The following MDN1 variants were observed in gnomAD, a reference collection of about 807,000 sequenced individuals.
MDN1 encodes the protein midasin AAA ATPase 1.
In MDN1, 266 loss-of-function variants were observed where a neutral mutation model predicts 669.2. That is an observed-to-expected ratio of 0.40 (90% CI 0.36 to 0.44). The LOEUF is 0.44. MDN1 is among the 20% of genes least tolerant of loss of function. The pLI, the probability that MDN1 is intolerant of heterozygous loss-of-function variation, is 1.00. For missense variants in MDN1, 5,940 were observed against 6,754.0 expected (o/e 0.88, Z 4.22); for synonymous variants, 2,385 against 2,457.1 (o/e 0.97, Z 0.87).
In MDN1 at chr6:89,809,315, T is replaced by C. The variant is rs1384577026; in HGVS notation, c.103-5761A>G. ...ATATTTAAAACTTTTTATTTTATCT[T>C]CCCAGATTTATAGAGAAAAGACTAT... On this transcript the variant is annotated intron_variant, in intron 1 of 101. Transcript: ENST00000369393. Among the ~76,000 whole-genome samples, 4 of 151,822 alleles carry C rather than the reference T, an allele frequency of 2.6e-5. No individual in the cohort carries two copies. The South Asian group carries it at 6.2e-4, about 24-fold the overall frequency.
intron 35 of MDN1, 140 bp downstream of exon 35, chr6:89,730,586 T>C (rs1815523556): frequency 5.9e-6 from 4 of 674,742 alleles, no homozygotes; most frequent in Admixed American, 5.9e-5. Flanking sequence ...CACACAATTA[T>C]GGTTATTCTC....
intron 5 of MDN1, among the ~76,000 whole-genome samples, chr6:89,792,493 G>A (rs539499859): frequency 1.3e-5 from 2 of 151,992 alleles, no homozygotes; most frequent in Non-Finnish European, 2.9e-5. Context: ...TTGGGATACT[G>A]GTTACAGGAT....
At position 89,695,498 on chromosome 6, in the gene MDN1, T is replaced by C. The variant is rs1266704920; in HGVS notation, c.9771+107A>G. The C allele has an allele frequency of 1.5e-5, 21 of 1,389,452 alleles. No homozygotes were observed. The highest frequency in any genetic ancestry group is 2.1e-5 in the Non-Finnish European group (21 of 1,022,682). The allele number at this position is 1,389,452 out of a possible 1,614,324, so 86.1% of individuals were successfully genotyped here. A position where few individuals can be genotyped will look rare whatever the true frequency, so the allele number is the denominator to read the frequency against. On this transcript the variant is annotated intron_variant, in intron 61 of 101. Coordinates refer to ENST00000369393, the MANE Select transcript of MDN1 (RefSeq NM_014611.3). This position sits in a 1 kb window ranked among gnomAD's most constrained non-coding sequence, Gnocchi z 4.1. ...TCATAAGGCAACTTATGCAATATCA[T>C]GCTTGTGATGATCTGAGCACCCAAA...
intron 58 of MDN1, 108 bp from the exon 59 acceptor site, chr6:89,699,143 T>C: frequency 9.5e-7 from 1 of 1,053,752 alleles, no homozygotes; most frequent in East Asian, 2.6e-5. Context: ...AGTTTAAAGG[T>C]ATTAATCCAA....
chr6:89,761,895 A>G, intron 16 of MDN1, 147 bp from the exon 17 acceptor site: 2 of 609,752 alleles, frequency 3.3e-6, no homozygotes, highest in Non-Finnish European at 5.6e-6. Flanking sequence ...TGCTAACAAA[A>G]TGCCAGACAT....
rs1812705989 is a variant in MDN1, at chr6:89,695,902, G to A, written c.9474C>T (p.Tyr3158=). The A allele has an allele frequency of 1.9e-6, 3 of 1,613,026 alleles. No individual in the cohort carries two copies. The highest frequency in any genetic ancestry group is 1.7e-5 in the Admixed American group (1 of 60,010). Residue 3158 remains tyrosine (Y), a synonymous_variant, in exon 61 of 102, where the codon TAC becomes TAT. Transcript: ENST00000369393. The surrounding 1 kb of genome is among the most constrained non-coding windows in gnomAD (Gnocchi z 4.1). ...GCAGCAGCTGCTCACAGTTCTGCAT[G>A]TACTCCTGCCGCCGGGACTCTGGGA... ...ELLPESRRQE[Y]MQNCEQLLLG...
chr6:89,665,967 GAGCTGGAGGTTGC>G (rs1255279421), intron 84 of MDN1, among the ~76,000 whole-genome samples: 1 of 152,292 alleles, frequency 6.6e-6, no homozygotes, highest in African/African-American at 2.4e-5. Flanking sequence ...TTGAACCCGG[GAGCTGGAGGTTGC>G]AGTTGAGCCA....
intron 65 of MDN1, among the ~76,000 whole-genome samples, chr6:89,689,088 C>G (rs1035955524): frequency 6.6e-6 from 1 of 152,200 alleles, no homozygotes; most frequent in African/African-American, 2.4e-5. Context: ...ATTGCTTGAA[C>G]CTGGGAGGCA....
chr6:89,819,258 T>C (rs72919981), intron 1 of MDN1, among the ~76,000 whole-genome samples: 14,106 of 152,214 alleles, frequency 0.093, 849 homozygotes, highest in Non-Finnish European at 0.13. Context: ...AGCGCTTGCA[T>C]AGGGGTGAGA....
chr6:89,655,977 T>C lies in MDN1; in HGVS notation c.15286-9A>G. On this transcript the variant is annotated splice_polypyrimidine_tract_variant and intron_variant, in intron 91 of 101. Transcript: ENST00000369393. ...GGTTTCCTCTTAAAACTCTGAGAAA[T>C]ACAAGGAAATTCATCAGAGCCTTGC... 6.2e-7 allele frequency: 1 copy of C among 1,611,672 alleles called. No individual in the cohort carries two copies. The highest frequency in any genetic ancestry group is 8.5e-7 in the Non-Finnish European group (1 of 1,179,044).
At chr6:89,715,629 C>T in intron 45 of MDN1, 24 bp downstream of exon 45, 1 of 1,436,826 alleles carries the variant, frequency 7.0e-7, no homozygotes, top group South Asian at 1.1e-5. Flanking sequence ...GATTCTGAGG[C>T]AGAAATGTAA....
intron 56 of MDN1, 130 bp from the exon 57 acceptor site, chr6:89,700,424 T>C: frequency 2.5e-6 from 2 of 792,154 alleles, no homozygotes; most frequent in Non-Finnish European, 4.0e-6. Context: ...AACCTAAGCT[T>C]TGAGATTCTC....
chr6:89,731,826 TC>T (rs2128315207), intron 34 of MDN1, among the ~76,000 whole-genome samples: 1 of 127,944 alleles, frequency 7.8e-6, no homozygotes, highest in South Asian at 2.9e-4. Context: ...TTCCTTTTTC[TC>T]CTTTTTTCCT....
At chr6:89,668,740 TA>T (rs1810440275) in intron 83 of MDN1, among the ~76,000 whole-genome samples, 1 of 152,190 alleles carries the variant, frequency 6.6e-6, no homozygotes, top group Non-Finnish European at 1.5e-5. Flanking sequence ...CCCAAACCAG[TA>T]AACACTAATT....
chr6:89,766,790 G>C (rs1467566042), intron 15 of MDN1, among the ~76,000 whole-genome samples: 1 of 152,212 alleles, frequency 6.6e-6, no homozygotes, highest in Non-Finnish European at 1.5e-5. Context: ...AGGGTTCTGA[G>C]TTCAAATTGC....
chr6:89,734,402 T>C (rs1399887853), intron 33 of MDN1, among the ~76,000 whole-genome samples: 1 of 151,040 alleles, frequency 6.6e-6, no homozygotes, highest in Non-Finnish European at 1.5e-5. Context: ...TTTCACTATA[T>C]TTTTTAAAAT....
chr6:89,692,983 C>A lies in MDN1; in HGVS notation c.10047G>T (p.Arg3349=), dbSNP rs150775665. The A allele has an allele frequency of 1.4e-4, 234 of 1,614,132 alleles. 2 individuals are homozygous for A. The African/African-American group carries it at 2.6e-3, about 18-fold the overall frequency. Residue 3349 remains arginine (R), a synonymous_variant, in exon 63 of 102, where the codon CGG becomes CGT. Transcript: ENST00000369393. The stretch of plus-strand genomic sequence containing the variant: ...CATCTATGTGGAGGGCCTGCAGAAG[C>A]CGTGTGAGCAGATCCTGAACAGCAG... ...KAPAVQDLLT[R]LLQALHIDGP... is the part of the protein sequence containing the mutation.
chr6:89,702,027 C>A lies in MDN1; in HGVS notation c.8183G>T (p.Trp2728Leu), dbSNP rs1226346792. The A allele has an allele frequency of 6.2e-7, 1 of 1,612,314 alleles. No individual in the cohort carries two copies. The highest frequency in any genetic ancestry group is 1.7e-5 in the Admixed American group (1 of 59,706). Reference protein sequence around the residue: ...LGSLRWRDRFWTVADTVKVDA... With the variant: ...LGSLRWRDRFLTVADTVKVDA... ...TACTTTTACTGTGTCGGCCACAGTC[C>A]AGAACCGGTCCCGCCACCGCAGAGA... The change falls in exon 54 of 102, where the codon TGG becomes TTG. Residue 2728 changes from tryptophan to leucine, a missense_variant. Trp to Leu is a moderately conservative substitution (Grantham distance 61). This residue lies in a region of MDN1 where 2,292 missense variants were observed against 2,638.3 expected (regional missense o/e 0.87). Transcript: ENST00000369393.
intron 8 of MDN1, among the ~76,000 whole-genome samples, chr6:89,785,937 C>T (rs1259718443): frequency 6.6e-6 from 1 of 151,786 alleles, no homozygotes; most frequent in Non-Finnish European, 1.5e-5. Context: ...AGTTCAAGAC[C>T]AGCCTGGGCA....
Sources: allele counts gnomAD v4.1 joint callset (sites outside exome capture counted in the v4.1 genomes callset), GRCh38; gene constraint gnomAD v4.1.1; regional missense constraint gnomAD v4.1.1; non-coding constraint Gnocchi (gnomAD v3.1); transcripts MANE v1.5; gene names NCBI Gene and HGNC (gene_info 2026-07-23, HGNC 2026-07-21).